The following CSMD1 variants were observed in gnomAD, a reference collection of about 807,000 sequenced individuals.
CSMD1 encodes CUB and Sushi multiple domains 1.
A neutral mutation model predicts 417.5 loss-of-function variants in CSMD1; 213 were observed. The ratio of observed to expected loss-of-function variants is 0.51; its 90% CI spans 0.46 to 0.57. The LOEUF (loss-of-function observed/expected upper bound fraction) is 0.57, where lower values mean the gene tolerates loss of function less well. Among genes scored for constraint, CSMD1 ranks in the 20% least tolerant of loss-of-function variants. The pLI is 0.00. For synonymous variants in CSMD1, 2,862 were observed against 1,736.8 expected (o/e 1.65, Z -16.11); for missense variants, 6,923 against 4,529.7 (o/e 1.53, Z -15.17).
chr8:4,709,011 A>G (rs1224721349), intron 1 of CSMD1, among the ~76,000 whole-genome samples: 4 of 152,168 alleles, frequency 2.6e-5, no homozygotes, highest in Admixed American at 2.0e-4. Flanking sequence ...GAACCTTGAC[A>G]AAATAAATGT....
chr8:4,060,906 T>A (rs1359151681), intron 3 of CSMD1, among the ~76,000 whole-genome samples: 1 of 152,134 alleles, frequency 6.6e-6, no homozygotes, highest in Non-Finnish European at 1.5e-5. Flanking sequence ...ACTAAGCCTG[T>A]TTCCCATTTG....
chr8:3,607,351 TG>T (rs550773570), intron 8 of CSMD1, among the ~76,000 whole-genome samples: 237 of 152,320 alleles, frequency 1.6e-3, no homozygotes, highest in African/African-American at 5.5e-3. Context: ...AGGACCTGCC[TG>T]GGGCTGTTTA....
At chr8:4,078,994 C>A (rs1261076808) in intron 3 of CSMD1, among the ~76,000 whole-genome samples, 1 of 146,686 alleles carries the variant, frequency 6.8e-6, no homozygotes, top group African/African-American at 2.6e-5. Flanking sequence ...GTTGCATTAA[C>A]AGTATCATAT....
intron 1 of CSMD1, among the ~76,000 whole-genome samples, chr8:4,795,960 G>C (rs764990975): frequency 2.6e-5 from 4 of 152,144 alleles, no homozygotes; most frequent in Admixed American, 6.5e-5. Flanking sequence ...TTGATATTAT[G>C]TTATTTCTTT....
At position 4,686,416 on chromosome 8, in the gene CSMD1, G is replaced by C. The variant is rs185969891; in HGVS notation, c.86-48858C>G. Among the ~76,000 whole-genome samples the C allele has an allele frequency of 8.0e-3, 1,218 of 152,330 alleles. 10 individuals are homozygous for C. Among genetic ancestry groups the C allele is most frequent in the South Asian group, 0.012 (56 of 4,832 alleles). The stretch of plus-strand genomic sequence containing the variant: ...AGGAAGGCCACTGTCACCTGCCCTT[G>C]CTCTTCTCCCCCGATGTAGGCCATA... On this transcript the variant is annotated intron_variant, in intron 1 of 69. Coordinates refer to ENST00000635120, the MANE Select transcript of CSMD1 (RefSeq NM_033225.6).
intron 10 of CSMD1, among the ~76,000 whole-genome samples, chr8:3,534,649 T>C (rs1436274750): frequency 6.6e-6 from 1 of 152,220 alleles, no homozygotes; most frequent in African/African-American, 2.4e-5. Flanking sequence ...GGAATGCCAT[T>C]TCCATAGCCA....
chr8:4,567,333 A>T (rs1444254736), intron 2 of CSMD1, among the ~76,000 whole-genome samples: 1 of 152,218 alleles, frequency 6.6e-6, no homozygotes, highest in Non-Finnish European at 1.5e-5. Flanking sequence ...AGCAAAACAA[A>T]CAAGAACAAG....
chr8:4,699,786 G>A (rs532572496), intron 1 of CSMD1, among the ~76,000 whole-genome samples: 1 of 152,308 alleles, frequency 6.6e-6, no homozygotes, highest in East Asian at 1.9e-4. Context: ...AAAGGATATG[G>A]TGCTTGAACT....
chr8:3,262,357 C>T (rs1315487678), intron 26 of CSMD1, among the ~76,000 whole-genome samples: 1 of 150,748 alleles, frequency 6.6e-6, no homozygotes, highest in East Asian at 2.0e-4. Context: ...TTGTGAAACT[C>T]CTGACAAATA....
intron 2 of CSMD1, among the ~76,000 whole-genome samples, chr8:4,624,363 C>T (rs926116043): frequency 3.3e-5 from 5 of 152,056 alleles, no homozygotes; most frequent in African/African-American, 4.8e-5. Context: ...AGAAAGTAAC[C>T]GAAATCTAGA....
At chr8:4,069,834 T>C (rs1799452996) in intron 3 of CSMD1, among the ~76,000 whole-genome samples, 1 of 152,228 alleles carries the variant, frequency 6.6e-6, no homozygotes, top group African/African-American at 2.4e-5. Flanking sequence ...AATATCGAAA[T>C]GAAGACTTCT....
At position 3,514,770 on chromosome 8, in the gene CSMD1, C is replaced by A. The variant is rs570465694; in HGVS notation, c.1345-21044G>T. ...ATAATTGCCTTCATAATTTATACTG[C>A]ACATGATCCTTTAGTGATTAAACTG... On this transcript the variant is annotated intron_variant, in intron 10 of 69. Coordinates refer to ENST00000635120, the MANE Select transcript of CSMD1 (RefSeq NM_033225.6). Among the ~76,000 whole-genome samples, 4 of 152,164 alleles carry A rather than the reference C, an allele frequency of 2.6e-5. No individual in the cohort carries two copies. The South Asian group carries it at 8.3e-4, about 32-fold the overall frequency.
chr8:3,608,686 C>A (rs534195607), intron 8 of CSMD1, among the ~76,000 whole-genome samples: 68 of 150,764 alleles, frequency 4.5e-4, no homozygotes, highest in Middle Eastern at 3.5e-3. Context: ...ATTGCTTGAA[C>A]TTGAGAGGTG....
chr8:3,989,022 T>C (rs1234229827), intron 5 of CSMD1, among the ~76,000 whole-genome samples: 1 of 152,198 alleles, frequency 6.6e-6, no homozygotes, highest in East Asian at 1.9e-4. Context: ...TCAAAACACA[T>C]TCTATTTCAA....
intron 1 of CSMD1, among the ~76,000 whole-genome samples, chr8:4,672,532 C>A (rs927453555): frequency 1.3e-5 from 2 of 152,110 alleles, no homozygotes; most frequent in South Asian, 2.1e-4. Flanking sequence ...GTGAAATATG[C>A]ACCTATAATG....
intron 26 of CSMD1, among the ~76,000 whole-genome samples, chr8:3,251,671 C>A (rs1386964790): frequency 6.6e-6 from 1 of 152,164 alleles, no homozygotes; most frequent in Non-Finnish European, 1.5e-5. Flanking sequence ...GGCATTTTCA[C>A]AATATTGATT....
At chr8:3,055,337 G>C (rs1323263413) in intron 49 of CSMD1, among the ~76,000 whole-genome samples, 1 of 152,248 alleles carries the variant, frequency 6.6e-6, no homozygotes, top group African/African-American at 2.4e-5. Context: ...TCTTTTTATG[G>C]TTTTGAACCA....
In CSMD1 at chr8:4,547,022, C is replaced by T. The variant is rs536343110; in HGVS notation, c.302+90320G>A. Among the ~76,000 whole-genome samples the T allele has an allele frequency of 2.4e-4, 37 of 152,214 alleles. No individual in the cohort carries two copies. In the South Asian group the frequency reaches 7.5e-3, roughly 31 times the overall value. On this transcript the variant is annotated intron_variant, in intron 2 of 69. Coordinates refer to ENST00000635120, the MANE Select transcript of CSMD1 (RefSeq NM_033225.6). The stretch of plus-strand genomic sequence containing the variant: ...TCCTTATCTATAATTCATACCCAGA[C>T]ATCTTCTTTGAGCTCCAAATTCATA...
At chr8:3,079,171 G>A (rs1298463472) in intron 49 of CSMD1, among the ~76,000 whole-genome samples, 1 of 152,180 alleles carries the variant, frequency 6.6e-6, no homozygotes, top group African/African-American at 2.4e-5. Flanking sequence ...GTAGATTTAA[G>A]CAAGGGCAAC....
Sources: gnomAD v4.1 joint callset for allele counts (sites outside exome capture counted in the v4.1 genomes callset) on GRCh38, gnomAD v4.1.1 for gene constraint, MANE v1.5 for transcripts, NCBI Gene and HGNC (gene_info 2026-07-23, HGNC 2026-07-21) for gene names.